The following PCDHGA2 variants were observed in gnomAD, a reference collection of about 807,000 sequenced individuals.
PCDHGA2 encodes the protein protocadherin gamma-A2.
In PCDHGA2, 40 loss-of-function variants were observed where a neutral mutation model predicts 59.2. The ratio of observed to expected loss-of-function variants is 0.68; its 90% CI spans 0.52 to 0.88. The LOEUF is 0.88. Among genes scored for constraint, PCDHGA2 ranks in the 40% least tolerant of loss-of-function variants. The probability of loss-of-function intolerance (pLI) is 0.00; values close to 1 mark genes in which losing one functional copy is unlikely to be tolerated. For synonymous variants in PCDHGA2, 560 were observed against 526.0 expected (o/e 1.06, Z -0.89); for missense variants, 1,226 against 1,204.0 (o/e 1.02, Z -0.27).
At chr5:141,379,378 A>G (rs1775559732) in intron 1 of PCDHGA2, 1 of 152,234 alleles carries the variant, frequency 6.6e-6, no homozygotes, top group African/African-American at 2.4e-5. Flanking sequence ...TTGATAAAAT[A>G]ACAATTTTAA....
At position 141,489,108 on chromosome 5, in the gene PCDHGA2, A is replaced by C; in HGVS notation, c.2425-5699A>C. The C allele has an allele frequency of 2.0e-6, 1 of 489,086 alleles. No individual in the cohort carries two copies. The highest frequency in any genetic ancestry group is 3.5e-6 in the Non-Finnish European group (1 of 287,626). 30.3% of individuals were successfully genotyped at this position (489,086 alleles called of 1,614,324 possible). On this transcript the variant is annotated intron_variant, in intron 1 of 3. Transcript: ENST00000394576. This position sits in a 1 kb window ranked among gnomAD's most constrained non-coding sequence, Gnocchi z 4.5. The stretch of plus-strand genomic sequence containing the variant: ...TCGGTGACTAAGAACTGCTGCAAGC[A>C]GGCAAACCTCCGAGCAGTTTTTAAG...
intron 1 of PCDHGA2, chr5:141,364,596 G>A: frequency 6.2e-7 from 1 of 1,614,208 alleles, no homozygotes; most frequent in South Asian, 1.1e-5. Flanking sequence ...ACCGCGGGCA[G>A]GATAGACCGG....
chr5:141,370,097 C>T (rs1368287584), intron 1 of PCDHGA2, among the ~76,000 whole-genome samples: 2 of 152,174 alleles, frequency 1.3e-5, no homozygotes. Flanking sequence ...AGTACACTGC[C>T]GATTTTTCTC....
chr5:141,374,727 T>A (rs1169090117), intron 1 of PCDHGA2: 2 of 1,610,538 alleles, frequency 1.2e-6, no homozygotes, highest in Non-Finnish European at 1.7e-6. Flanking sequence ...CTTACTGCCA[T>A]GGATGGCGGC....
intron 1 of PCDHGA2, among the ~76,000 whole-genome samples, chr5:141,444,192 A>ATT: frequency 1.9e-5 from 1 of 52,730 alleles, no homozygotes; most frequent in African/African-American, 7.7e-5. Flanking sequence ...TTTTTTTGAG[A>ATT]TGGAGTTTCA....
intron 1 of PCDHGA2, chr5:141,357,149 G>T (rs1760487529): frequency 1.2e-6 from 2 of 1,613,452 alleles, no homozygotes; most frequent in African/African-American, 2.7e-5. Context: ...CAGGACCATG[G>T]CCAGCCCCCT....
chr5:141,414,778 C>T (rs1346896593), intron 1 of PCDHGA2: 12 of 1,614,202 alleles, frequency 7.4e-6, no homozygotes, highest in Non-Finnish European at 1.0e-5. Context: ...GCTACAGATG[C>T]AGGTGACAGC....
At chr5:141,360,307 G>C in intron 1 of PCDHGA2, 2 of 1,613,880 alleles carry the variant, frequency 1.2e-6, no homozygotes, top group Non-Finnish European at 1.7e-6. Context: ...GGGGCTCAGC[G>C]TCCGGGACTT....
chr5:141,492,316 G>C (rs1283387204), intron 1 of PCDHGA2, among the ~76,000 whole-genome samples: 1 of 152,190 alleles, frequency 6.6e-6, no homozygotes. Context: ...CGCACTCCTC[G>C]CACGTGGGCT....
At chr5:141,389,664 G>T (rs1182835621) in intron 1 of PCDHGA2, 1 of 1,612,328 alleles carries the variant, frequency 6.2e-7, no homozygotes, top group African/African-American at 1.3e-5. Context: ...GGCGGTGGAC[G>T]CAGACTCAGG....
At chr5:141,378,725 T>C (rs999480102) in intron 1 of PCDHGA2, 1 of 152,206 alleles carries the variant, frequency 6.6e-6, no homozygotes, top group Admixed American at 6.5e-5. Flanking sequence ...ATAGGAACTC[T>C]TTATTGAAAT....
rs370286425 is a variant in PCDHGA2, at chr5:141,431,234, G to A, written c.2425-63573G>A. On this transcript the variant is annotated intron_variant, in intron 1 of 3. Coordinates refer to ENST00000394576, the MANE Select transcript of PCDHGA2 (RefSeq NM_018915.4). This position sits in a 1 kb window ranked among gnomAD's most constrained non-coding sequence, Gnocchi z 4.8. ...GCGGTTCCCTCTACCCCACGCCTGGGATCCGGATATCGGGAAGAACTCTCT... is the reference window on the plus strand; with the variant it reads ...GCGGTTCCCTCTACCCCACGCCTGGAATCCGGATATCGGGAAGAACTCTCT... 13 of 1,614,052 alleles carry A rather than the reference G, an allele frequency of 8.1e-6. No individual in the cohort carries two copies. The highest frequency in any genetic ancestry group is 2.7e-5 in the African/African-American group (2 of 74,940).
Position 141,491,686 on chromosome 5 carries a change from C to A in PCDHGA2, c.2425-3121C>A. The A allele has an allele frequency of 6.2e-7, 1 of 1,612,970 alleles. No homozygotes were observed. The highest frequency in any genetic ancestry group is 8.5e-7 in the Non-Finnish European group (1 of 1,179,558). Reference sequence around the variant, plus strand: ...CATCCGGTCCCGCTCTAATACGCTGCGGGAGCGGAGCCAGGTGAGGGGCTC... The same window carrying A: ...CATCCGGTCCCGCTCTAATACGCTGAGGGAGCGGAGCCAGGTGAGGGGCTC... On this transcript the variant is annotated intron_variant, in intron 1 of 3. Coordinates refer to ENST00000394576, the MANE Select transcript of PCDHGA2 (RefSeq NM_018915.4). The surrounding 1 kb of genome is among the most constrained non-coding windows in gnomAD (Gnocchi z 6.9).
chr5:141,388,628 G>T (rs752578230), intron 1 of PCDHGA2: 1 of 1,613,898 alleles, frequency 6.2e-7, no homozygotes, highest in East Asian at 2.2e-5. Flanking sequence ...ACGTATACAG[G>T]GTGAGCCTTT....
chr5:141,490,715 C>G lies in PCDHGA2; in HGVS notation c.2425-4092C>G, dbSNP rs757619272. The stretch of plus-strand genomic sequence containing the variant: ...GGGGATAATGCCCGCCTCACCTACT[C>G]CATTGTAGGAAATCAGGTTCAGGGA... On this transcript the variant is annotated intron_variant, in intron 1 of 3. Coordinates refer to ENST00000394576, the MANE Select transcript of PCDHGA2 (RefSeq NM_018915.4). This position sits in a 1 kb window ranked among gnomAD's most constrained non-coding sequence, Gnocchi z 5.4. 14 of 1,614,130 alleles carry G rather than the reference C, an allele frequency of 8.7e-6. No individual in the cohort carries two copies. Among genetic ancestry groups the G allele is most frequent in the Non-Finnish European group, 1.1e-5 (13 of 1,179,978 alleles).
intron 1 of PCDHGA2, chr5:141,362,416 G>C (rs1167115299): frequency 1.2e-6 from 2 of 1,614,008 alleles, no homozygotes; most frequent in Non-Finnish European, 1.7e-6. Context: ...CTCACAATCA[G>C]CCAAGACAGA....
intron 3 of PCDHGA2, among the ~76,000 whole-genome samples, chr5:141,509,732 C>T (rs931066969): frequency 3.9e-5 from 6 of 152,182 alleles, no homozygotes; most frequent in Non-Finnish European, 5.9e-5. Flanking sequence ...CTAGCTGTGG[C>T]ACTCTGAGCC....
intron 1 of PCDHGA2, chr5:141,361,398 C>A: frequency 6.2e-7 from 1 of 1,614,006 alleles, no homozygotes; most frequent in African/African-American, 1.3e-5. Context: ...ACAATCTCAC[C>A]ATCACAGCCA....
In PCDHGA2 at chr5:141,394,525, G is replaced by T; in HGVS notation, c.2424+53130G>T. ...CTGTACCCCGCCCTCCCCACAGACG[G>T]TTCCACTGGCGTGGAGCTGGCGCCC... On this transcript the variant is annotated intron_variant, in intron 1 of 3. Coordinates refer to ENST00000394576, the MANE Select transcript of PCDHGA2 (RefSeq NM_018915.4). 3 of 1,614,228 alleles carry T rather than the reference G, an allele frequency of 1.9e-6. No homozygotes were observed. The East Asian group carries it at 6.7e-5, about 36-fold the overall frequency.
Sources: gnomAD v4.1 joint callset for allele counts (sites outside exome capture counted in the v4.1 genomes callset) on GRCh38, gnomAD v4.1.1 for gene constraint, Gnocchi (gnomAD v3.1) non-coding constraint, MANE v1.5 for transcripts, NCBI Gene and HGNC (gene_info 2026-07-23, HGNC 2026-07-21) for gene names.